Variants in RERE observed in about 807,000 individuals in gnomAD.
The protein encoded by RERE is arginine-glutamic acid dipeptide repeats protein.
Under a neutral mutation model 146.1 loss-of-function variants are expected in RERE, and 40 were observed. The observed-to-expected ratio is 0.27, with a 90% CI of 0.21 to 0.36. RERE has a LOEUF of 0.36. RERE is among the 10% of genes least tolerant of loss of function. RERE has a pLI of 1.00. For synonymous variants in RERE, 1,003 were observed against 866.0 expected, an observed-to-expected ratio of 1.16 and a Z score of -2.78; for missense variants, 1,933 against 2,138.7, an observed-to-expected ratio of 0.90 and a Z score of 1.90.
intron 2 of RERE, among the ~76,000 whole-genome samples, chr1:8,650,853 C>T (rs1031956324): frequency 1.3e-5 from 2 of 151,210 alleles, no homozygotes; most frequent in South Asian, 4.2e-4. Flanking sequence ...GCCGAGATCG[C>T]ACCACTGCCC....
intron 4 of RERE, among the ~76,000 whole-genome samples, chr1:8,601,659 C>CACACACACACAG (rs1646628941): frequency 6.8e-6 from 1 of 147,110 alleles, no homozygotes; most frequent in Non-Finnish European, 1.5e-5. Context: ...CACACACACA[C>CACACACACACAG]ACACACACAC....
chr1:8,392,668 G>C (rs1336590709), intron 12 of RERE, among the ~76,000 whole-genome samples: 5 of 152,132 alleles, frequency 3.3e-5, no homozygotes, highest in Non-Finnish European at 7.3e-5. Context: ...CCATCTATGA[G>C]GGACGTGGAG....
At chr1:8,535,397 C>G (rs1472188582) in intron 7 of RERE, among the ~76,000 whole-genome samples, 1 of 152,086 alleles carries the variant, frequency 6.6e-6, no homozygotes, top group Admixed American at 6.5e-5. Context: ...TTGTTAATTT[C>G]CTGATTTTGA....
intron 12 of RERE, among the ~76,000 whole-genome samples, chr1:8,385,544 C>T (rs1414775722): frequency 1.3e-5 from 2 of 152,064 alleles, no homozygotes; most frequent in Non-Finnish European, 2.9e-5. Context: ...ACCCAGATGC[C>T]AAAAGGACCC....
At chr1:8,469,596 C>A (rs754560910) in intron 10 of RERE, among the ~76,000 whole-genome samples, 8 of 152,096 alleles carry the variant, frequency 5.3e-5, no homozygotes, top group Non-Finnish European at 1.0e-4. Flanking sequence ...GCACTCCAGC[C>A]TGAGAGACAG....
chr1:8,781,630 C>A (rs1438748934), intron 1 of RERE, among the ~76,000 whole-genome samples: 1 of 151,054 alleles, frequency 6.6e-6, no homozygotes, highest in Non-Finnish European at 1.5e-5. Context: ...CATTTTCTCA[C>A]AATTATAAAA....
At chr1:8,773,422 G>A (rs768912477) in intron 1 of RERE, among the ~76,000 whole-genome samples, 2 of 152,122 alleles carry the variant, frequency 1.3e-5, no homozygotes, top group African/African-American at 2.4e-5. Context: ...GGCCGGGTAC[G>A]GTGGCTCACA....
chr1:8,672,494 A>T (rs1638740449), intron 1 of RERE, among the ~76,000 whole-genome samples: 3 of 152,226 alleles, frequency 2.0e-5, no homozygotes, highest in African/African-American at 4.8e-5. Context: ...ATTTAAAGAG[A>T]TCAAATTATC....
At chr1:8,612,817 C>T (rs1646808332) in intron 4 of RERE, among the ~76,000 whole-genome samples, 1 of 152,158 alleles carries the variant, frequency 6.6e-6, no homozygotes, top group African/African-American at 2.4e-5. Flanking sequence ...TAGGTAGTCA[C>T]ATTGGGAATC....
intron 15 of RERE, among the ~76,000 whole-genome samples, chr1:8,363,460 A>G (rs1641673945): frequency 6.6e-6 from 1 of 152,146 alleles, no homozygotes. Context: ...AACGGCATAC[A>G]AGGGGCAGAG....
At position 8,673,121 on chromosome 1, in the gene RERE, A is replaced by G. The variant is rs186724974; in HGVS notation, c.-144-16680T>C. Among the ~76,000 whole-genome samples the G allele has an allele frequency of 1.7e-3, 265 of 152,268 alleles. 1 individual carries two copies. Among genetic ancestry groups the G allele is most frequent in the Non-Finnish European group, 3.3e-3 (222 of 68,028 alleles). ...TTTATTTATTTATTTATTTTGAGAC[A>G]GAGTTTCACTCTCGTCACCCAGGCA... On this transcript the variant is annotated intron_variant, in intron 1 of 22. Coordinates refer to ENST00000400908, the MANE Select transcript of RERE (RefSeq NM_001042681.2).
At chr1:8,553,390 G>A (rs1274735252) in intron 6 of RERE, among the ~76,000 whole-genome samples, 3 of 148,642 alleles carry the variant, frequency 2.0e-5, no homozygotes, top group African/African-American at 7.5e-5. Context: ...TTAGGCCAGC[G>A]CGTCCACATG....
At chr1:8,639,402 A>C (rs552156283) in intron 2 of RERE, among the ~76,000 whole-genome samples, 1 of 152,208 alleles carries the variant, frequency 6.6e-6, no homozygotes, top group African/African-American at 2.4e-5. Context: ...ATGATGCCAA[A>C]TATCTATTTT....
At chr1:8,399,495 C>G (rs1022019008) in intron 12 of RERE, among the ~76,000 whole-genome samples, 1 of 152,180 alleles carries the variant, frequency 6.6e-6, no homozygotes, top group African/African-American at 2.4e-5. Flanking sequence ...ACTGACGTCT[C>G]TATTTTGCAT....
chr1:8,622,486 TAAAA>T (rs1167355778), intron 3 of RERE, among the ~76,000 whole-genome samples: 4 of 43,032 alleles, frequency 9.3e-5, no homozygotes, highest in African/African-American at 3.7e-4. Context: ...TGTATCTGTT[TAAAA>T]AAAAAAAAAA....
At chr1:8,575,575 T>TG (rs1553187374) in intron 4 of RERE, among the ~76,000 whole-genome samples, 32 of 126,688 alleles carry the variant, frequency 2.5e-4, no homozygotes, top group African/African-American at 8.7e-4. Context: ...TTTTTTTTTT[T>TG]GGCAGAGACA....
intron 1 of RERE, among the ~76,000 whole-genome samples, chr1:8,711,562 G>A (rs1639669325): frequency 6.6e-6 from 1 of 152,188 alleles, no homozygotes; most frequent in Non-Finnish European, 1.5e-5. Context: ...AGCCAAAGCA[G>A]GGTTAAGAAG....
At chr1:8,395,932 CTAT>C (rs925200406) in intron 12 of RERE, among the ~76,000 whole-genome samples, 3 of 152,122 alleles carry the variant, frequency 2.0e-5, no homozygotes, top group African/African-American at 4.8e-5. Flanking sequence ...AGGACCAATT[CTAT>C]TATTATTATT....
At chr1:8,792,125 A>T (rs985735565) in intron 1 of RERE, among the ~76,000 whole-genome samples, 1 of 152,124 alleles carries the variant, frequency 6.6e-6, no homozygotes, top group African/African-American at 2.4e-5. Flanking sequence ...AAACAAAAAG[A>T]CAAAGTATAA....
Sources: allele counts gnomAD v4.1 joint callset (sites outside exome capture counted in the v4.1 genomes callset), GRCh38; gene constraint gnomAD v4.1.1; transcripts MANE v1.5; gene names NCBI Gene and HGNC (gene_info 2026-07-23, HGNC 2026-07-21).